The following KCNJ16 variants were observed in gnomAD, a reference collection of about 807,000 sequenced individuals.
The protein encoded by KCNJ16 is potassium inwardly rectifying channel subfamily J member 16.
KCNJ16 carries 15 observed loss-of-function variants against 18.5 expected under a neutral mutation model. The ratio of observed to expected loss-of-function variants is 0.81; its 90% CI spans 0.54 to 1.25. The LOEUF (loss-of-function observed/expected upper bound fraction) is 1.25. Ranked by LOEUF, KCNJ16 falls within the 50% of genes most tolerant of loss-of-function variation. The probability of loss-of-function intolerance (pLI) is 0.00; values close to 1 mark genes in which losing one functional copy is unlikely to be tolerated. For missense variants in KCNJ16, 523 were observed against 525.7 expected, an observed-to-expected ratio of 0.99 and a Z score of 0.05; for synonymous variants, 174 against 186.5, an observed-to-expected ratio of 0.93 and a Z score of 0.55.
chr17:70,119,661 T>C (rs2073552711), intron 2 of KCNJ16, among the ~76,000 whole-genome samples: 1 of 152,200 alleles, frequency 6.6e-6, no homozygotes, highest in African/African-American at 2.4e-5. Context: ...TGGAGTGACC[T>C]GGATGCAGGG....
Position 70,126,391 on chromosome 17 carries a change from C to T in KCNJ16, c.-190-4488C>T, listed in dbSNP as rs1009333993. Among the ~76,000 whole-genome samples, 3 of 152,156 alleles carry T rather than the reference C, an allele frequency of 2.0e-5. 1 individual carries two copies. In the East Asian group the frequency reaches 5.8e-4, roughly 29 times the overall value. On this transcript the variant is annotated intron_variant, in intron 2 of 3. Coordinates refer to ENST00000392671, the MANE Select transcript of KCNJ16 (RefSeq NM_170741.4). ...GCTTCATTTTACCCAGCTCCTACTC[C>T]AAGATGGAGTCCCCCTGGTTTGAAT...
chr17:70,102,100 A>C (rs2143848888), intron 2 of KCNJ16: 1 of 152,036 alleles, frequency 6.6e-6, no homozygotes, highest in South Asian at 2.1e-4. Flanking sequence ...CATCACATGC[A>C]CAAAGGACCC....
chr17:70,084,552 G>A (rs2071709424), intron 1 of KCNJ16, among the ~76,000 whole-genome samples: 1 of 152,068 alleles, frequency 6.6e-6, no homozygotes, highest in South Asian at 2.1e-4. Context: ...AAACACAAAG[G>A]AATCCATTCA....
chr17:70,118,986 CA>C (rs2073526246), intron 2 of KCNJ16, among the ~76,000 whole-genome samples: 2 of 152,148 alleles, frequency 1.3e-5, no homozygotes, highest in African/African-American at 4.8e-5. Context: ...TTCCAAGATA[CA>C]ATAGGGGCAT....
chr17:70,086,193 T>C (rs1220118412), intron 1 of KCNJ16, among the ~76,000 whole-genome samples: 1 of 152,186 alleles, frequency 6.6e-6, no homozygotes, highest in Non-Finnish European at 1.5e-5. Flanking sequence ...ATACTTACAA[T>C]GAGAATTTTT....
At chr17:70,104,032 G>A (rs2072796870) in intron 2 of KCNJ16, among the ~76,000 whole-genome samples, 1 of 150,946 alleles carries the variant, frequency 6.6e-6, no homozygotes, top group African/African-American at 2.4e-5. Flanking sequence ...GATCTCCTGG[G>A]TTCAAGTGAT....
rs1018868362 is a variant in KCNJ16, at chr17:70,133,610, G to A, written c.*266G>A. 9.8e-6 allele frequency: 3 copies of A among 305,672 alleles called. No homozygotes were observed. The highest frequency in any genetic ancestry group is 6.5e-5 in the African/African-American group (3 of 46,184). The allele number at this position is 305,672 out of a possible 1,614,324, so 18.9% of individuals were successfully genotyped here. ...ATCTTTTTTATTATCTTACATGCTT[G>A]TATCTTCAGTTGGAGGTGTAGTATT... On this transcript the variant is annotated 3_prime_UTR_variant, in exon 4 of 4. Transcript: ENST00000392671.
At chr17:70,105,266 T>C (rs1418863060) in intron 2 of KCNJ16, among the ~76,000 whole-genome samples, 3 of 152,136 alleles carry the variant, frequency 2.0e-5, no homozygotes, top group Admixed American at 6.6e-5. Context: ...CATATATCTC[T>C]GGGGAATGCT....
intron 2 of KCNJ16, among the ~76,000 whole-genome samples, chr17:70,103,194 A>ATGTGTATATATATTTT (rs1408588991): frequency 5.6e-4 from 81 of 144,870 alleles, no homozygotes; most frequent in African/African-American, 1.9e-3. Context: ...ATAAATATAT[A>ATGTGTATATATATTTT]TGTGTATATA....
At position 70,121,285 on chromosome 17, in the gene KCNJ16, T is replaced by C. The variant is rs75440549; in HGVS notation, c.-190-9594T>C. 5.1e-3 allele frequency among the ~76,000 whole-genome samples: 782 copies of C among 152,286 alleles called. 7 individuals carry two copies. Among genetic ancestry groups the C allele is most frequent in the African/African-American group, 0.018 (755 of 41,558 alleles). The stretch of plus-strand genomic sequence containing the variant: ...AATGTAATCAGCTACCAAAGTGGCA[T>C]ATTTTGGGGTGGCATTTCCTGAACA... On this transcript the variant is annotated intron_variant, in intron 2 of 3. Coordinates refer to ENST00000392671, the MANE Select transcript of KCNJ16 (RefSeq NM_170741.4).
chr17:70,096,949 G>A (rs967095854), intron 1 of KCNJ16: 2 of 398,214 alleles, frequency 5.0e-6, no homozygotes, highest in South Asian at 2.5e-4. Flanking sequence ...GCCAACTGAA[G>A]AGGTAACATG....
intron 1 of KCNJ16, among the ~76,000 whole-genome samples, chr17:70,087,830 T>C (rs536039096): frequency 1.3e-5 from 2 of 152,098 alleles, no homozygotes; most frequent in South Asian, 4.2e-4. Context: ...CAACAATGAA[T>C]AAAACAAGAA....
At chr17:70,110,979 A>G (rs747923845) in intron 2 of KCNJ16, among the ~76,000 whole-genome samples, 1 of 152,162 alleles carries the variant, frequency 6.6e-6, no homozygotes, top group Non-Finnish European at 1.5e-5. Flanking sequence ...GGCTGATATT[A>G]TAAGGAGAGT....
intron 2 of KCNJ16, among the ~76,000 whole-genome samples, chr17:70,124,673 T>A (rs1020499399): frequency 1.3e-5 from 2 of 152,180 alleles, no homozygotes; most frequent in African/African-American, 4.8e-5. Flanking sequence ...AGACTGATTT[T>A]CAAGATAAGA....
At chr17:70,125,882 A>G (rs113670382) in intron 2 of KCNJ16, among the ~76,000 whole-genome samples, 1,924 of 152,112 alleles carry the variant, frequency 0.013, 45 homozygotes, top group African/African-American at 0.043. Flanking sequence ...CAGTGAGCCG[A>G]GATCGCACCA....
intron 2 of KCNJ16, among the ~76,000 whole-genome samples, chr17:70,121,398 TCA>T (rs2073632377): frequency 1.3e-5 from 2 of 152,096 alleles, no homozygotes; most frequent in Admixed American, 1.3e-4. Flanking sequence ...AACTCAATAC[TCA>T]GATTTGGCCC....
rs2074132321 is a variant in KCNJ16, at chr17:70,133,287, A to G, written c.1200A>G (p.Thr400=). ...CCGCCACACATGAATATAGGGAAAC[A>G]CCTTATCAGAAAGCTCTCCTGACTT... ...TTSATHEYRE[T]PYQKALLTLN... The change falls in exon 4 of 4, where the codon ACA becomes ACG. Residue 400 remains threonine (T), a synonymous_variant. Transcript: ENST00000392671. 4.3e-6 allele frequency: 7 copies of G among 1,614,106 alleles called. No individual in the cohort carries two copies. In the East Asian group the frequency reaches 1.6e-4, roughly 36 times the overall value.
chr17:70,124,533 G>A (rs1019606844), intron 2 of KCNJ16, among the ~76,000 whole-genome samples: 1 of 152,232 alleles, frequency 6.6e-6, no homozygotes, highest in Non-Finnish European at 1.5e-5. Flanking sequence ...TACAATGAAA[G>A]GAGGCTGAGC....
intron 2 of KCNJ16, among the ~76,000 whole-genome samples, chr17:70,121,716 G>A (rs988422705): frequency 6.6e-6 from 1 of 152,074 alleles, no homozygotes; most frequent in African/African-American, 2.4e-5. Context: ...GATCACTTGA[G>A]GCCATGAGTT....
Sources: gnomAD v4.1 joint callset for allele counts (sites outside exome capture counted in the v4.1 genomes callset) on GRCh38, gnomAD v4.1.1 for gene constraint, MANE v1.5 for transcripts, NCBI Gene and HGNC (gene_info 2026-07-23, HGNC 2026-07-21) for gene names.